The following TENM2 variants were observed in gnomAD, a reference collection of about 807,000 sequenced individuals.
The protein encoded by TENM2 is teneurin-2.
Under a neutral mutation model 245.2 loss-of-function variants are expected in TENM2, and 52 were observed. That is an observed-to-expected ratio of 0.21 (90% CI 0.17 to 0.27). The LOEUF (loss-of-function observed/expected upper bound fraction) is 0.27. Ranked by LOEUF, TENM2 falls within the 10% of genes least tolerant of loss-of-function variation. The pLI, the probability that TENM2 is intolerant of heterozygous loss-of-function variation, is 1.00. For synonymous variants in TENM2, 1,363 were observed against 1,438.9 expected (o/e 0.95, Z 1.19); for missense variants, 3,046 against 3,666.8 (o/e 0.83, Z 4.37).
At chr5:167,244,969 C>A in the TENM2 span, among the ~76,000 whole-genome samples, 1 of 151,974 alleles carries the variant, frequency 6.6e-6, no homozygotes, top group Admixed American at 6.6e-5. Flanking sequence ...AAAACAAAAT[C>A]AGAAAATGCA....
At chr5:167,371,224 G>A (rs1370523509) in intron 1 of TENM2, among the ~76,000 whole-genome samples, 4 of 151,852 alleles carry the variant, frequency 2.6e-5, no homozygotes. Flanking sequence ...CCCCAAACTA[G>A]ATGAACAGCT....
At chr5:168,035,087 AT>A (rs1787541027) in intron 5 of TENM2, among the ~76,000 whole-genome samples, 1 of 152,254 alleles carries the variant, frequency 6.6e-6, no homozygotes, top group Non-Finnish European at 1.5e-5. Flanking sequence ...TGCAAAAAAA[AT>A]CTTTTTACTG....
intron 2 of TENM2, among the ~76,000 whole-genome samples, chr5:167,834,676 G>C (rs1233482196): frequency 7.0e-6 from 1 of 142,228 alleles, no homozygotes; most frequent in East Asian, 2.1e-4. Context: ...TTGAGACGGA[G>C]TCTCGCTCTG....
chr5:167,141,266 C>G, the TENM2 span, among the ~76,000 whole-genome samples: 6 of 152,152 alleles, frequency 3.9e-5, no homozygotes, highest in Non-Finnish European at 7.3e-5. Context: ...ATTTCAAGCT[C>G]TCTTGTAGCA....
rs759416048 is a variant in TENM2 at position 168,035,219 on chromosome 5, A to G, written c.1187-12208A>G. On this transcript the variant is annotated intron_variant, in intron 5 of 28. Coordinates refer to ENST00000518659, the Ensembl canonical transcript of TENM2. ...TGGTTACTAGAAAATTTTACATTTC[A>G]TAAGTGGGCCAGGTGCAGTGGCTCA... 3.9e-5 allele frequency among the ~76,000 whole-genome samples: 6 copies of G among 152,216 alleles called. No individual in the cohort carries two copies. The South Asian group carries it at 6.2e-4, about 16-fold the overall frequency.
At chr5:168,260,162 C>G in intron 27 of TENM2, 121 bp from the exon 30 acceptor site, 375 of 901,606 alleles carry the variant, frequency 4.2e-4, no homozygotes, top group Non-Finnish European at 5.8e-4. Context: ...ATAAGCTCTT[C>G]CTCCCTCCCC....
chr5:168,203,191 C>A (rs1229777218), intron 17 of TENM2, among the ~76,000 whole-genome samples: 1 of 152,212 alleles, frequency 6.6e-6, no homozygotes, highest in Non-Finnish European at 1.5e-5. Flanking sequence ...GTGAACACAC[C>A]AAGTGTCTTA....
chr5:167,161,002 A>C, the TENM2 span, among the ~76,000 whole-genome samples: 1 of 150,600 alleles, frequency 6.6e-6, no homozygotes, highest in South Asian at 2.1e-4. Context: ...GTTTTTCCAA[A>C]CTGTGTTCCT....
chr5:167,074,340 G>A, the TENM2 span, among the ~76,000 whole-genome samples: 296 of 152,096 alleles, frequency 1.9e-3, 1 homozygote, highest in Admixed American at 3.4e-3. Context: ...CTGCAAAAGC[G>A]AGACATTAGT....
chr5:167,131,695 A>C, the TENM2 span, among the ~76,000 whole-genome samples: 1 of 152,170 alleles, frequency 6.6e-6, no homozygotes, highest in African/African-American at 2.4e-5. Context: ...TTACTAATAA[A>C]ATTGATATTA....
At chr5:167,681,838 G>A (rs988950567) in intron 2 of TENM2, among the ~76,000 whole-genome samples, 6 of 152,150 alleles carry the variant, frequency 3.9e-5, no homozygotes, top group African/African-American at 1.4e-4. Context: ...AATTTTATAT[G>A]TCTGGGTGAC....
At chr5:168,184,984 A>C (rs1298187439) in intron 13 of TENM2, among the ~76,000 whole-genome samples, 1 of 152,218 alleles carries the variant, frequency 6.6e-6, no homozygotes, top group Non-Finnish European at 1.5e-5. Context: ...GGTCCTCTGC[A>C]GCCTACAATG....
At chr5:168,151,299 G>A (rs1354553178) in intron 12 of TENM2, among the ~76,000 whole-genome samples, 1 of 152,114 alleles carries the variant, frequency 6.6e-6, no homozygotes, top group Non-Finnish European at 1.5e-5. Flanking sequence ...TCTTTGGAGG[G>A]CACCTTTCTG....
chr5:167,439,787 G>A (rs1582051535), intron 2 of TENM2, among the ~76,000 whole-genome samples: 1 of 151,988 alleles, frequency 6.6e-6, no homozygotes, highest in South Asian at 2.1e-4. Flanking sequence ...GAATTCTATG[G>A]CATTTTATCC....
intron 2 of TENM2, among the ~76,000 whole-genome samples, chr5:167,638,092 TGTGTGTGTGTGTGTG>T (rs1234370271): frequency 0.02 from 5 of 254 alleles, no homozygotes; most frequent in Non-Finnish European, 0.038. Context: ...ACAGGGCAGG[TGTGTGTGTGTGTGTG>T]TGTGTGTGTG....
At chr5:167,541,195 T>G (rs2127604478) in intron 2 of TENM2, among the ~76,000 whole-genome samples, 1 of 152,318 alleles carries the variant, frequency 6.6e-6, no homozygotes, top group South Asian at 2.1e-4. Flanking sequence ...AGAAAGTAGC[T>G]AGCAAAAATG....
chr5:167,110,546 G>A, the TENM2 span, among the ~76,000 whole-genome samples: 1 of 152,186 alleles, frequency 6.6e-6, no homozygotes, highest in African/African-American at 2.4e-5. Flanking sequence ...TGTACATATT[G>A]TAGGCATTTA....
At chr5:167,031,934 C>T in the TENM2 span, among the ~76,000 whole-genome samples, 1 of 152,040 alleles carries the variant, frequency 6.6e-6, no homozygotes, top group Non-Finnish European at 1.5e-5. Flanking sequence ...TGTGCAAATT[C>T]ATTTCATAGG....
chr5:168,112,606 C>CGGGGGGGGGGGGGGGGG (rs11446185), intron 9 of TENM2, among the ~76,000 whole-genome samples: 1 of 64,082 alleles, frequency 1.6e-5, no homozygotes, highest in Non-Finnish European at 3.3e-5. Flanking sequence ...GTGCAGTGGG[C>CGGGGGGGGGGGGGGGGG]GGGGGGGGGG....
Sources: allele counts gnomAD v4.1 joint callset (sites outside exome capture counted in the v4.1 genomes callset), GRCh38; gene constraint gnomAD v4.1.1; transcripts MANE v1.5; gene names NCBI Gene and HGNC (gene_info 2026-07-23, HGNC 2026-07-21).